The following TSNARE1 variants were observed in gnomAD, a reference collection of about 807,000 sequenced individuals.
The protein encoded by TSNARE1 is t-SNARE domain containing 1.
A neutral mutation model predicts 62.0 loss-of-function variants in TSNARE1; 49 were observed. The ratio of observed to expected loss-of-function variants is 0.79; its 90% confidence interval spans 0.63 to 1.00. The LOEUF (loss-of-function observed/expected upper bound fraction) is 1.00. Ranked by LOEUF, TSNARE1 falls within the 50% of genes least tolerant of loss-of-function variation. The pLI is 0.00. For synonymous variants in TSNARE1, 328 were observed against 294.4 expected (o/e 1.11, Z -1.17); for missense variants, 755 against 700.1 (o/e 1.08, Z -0.88).
At chr8:142,218,554 C>A (rs975157937) in intron 13 of TSNARE1, among the ~76,000 whole-genome samples, 1 of 152,214 alleles carries the variant, frequency 6.6e-6, no homozygotes, top group African/African-American at 2.4e-5. Flanking sequence ...ATAGCATGGG[C>A]CACCCCTCGA....
intron 12 of TSNARE1, among the ~76,000 whole-genome samples, chr8:142,233,592 G>A (rs1243403836): frequency 3.3e-5 from 5 of 152,172 alleles, no homozygotes; most frequent in Admixed American, 1.3e-4. Context: ...TCATTGTGTG[G>A]GCAGGGCTGG....
At chr8:142,292,053 G>A (rs1420289553) in intron 10 of TSNARE1, among the ~76,000 whole-genome samples, 2 of 151,964 alleles carry the variant, frequency 1.3e-5, no homozygotes, top group Non-Finnish European at 2.9e-5. Context: ...GCTCTGCCGG[G>A]GTCCTGGCAG....
intron 8 of TSNARE1, among the ~76,000 whole-genome samples, chr8:142,314,750 A>G (rs1828258823): frequency 6.6e-6 from 1 of 152,184 alleles, no homozygotes; most frequent in South Asian, 2.1e-4. Context: ...GCAGGGTGAG[A>G]CTTGTTCTTC....
chr8:142,290,366 G>A (rs887063169), intron 10 of TSNARE1, among the ~76,000 whole-genome samples: 1 of 152,210 alleles, frequency 6.6e-6, no homozygotes, highest in Non-Finnish European at 1.5e-5. Flanking sequence ...TTAGTAGATG[G>A]TTAAATCATG....
In TSNARE1 at chr8:142,224,879, C is replaced by T. The variant is rs369233978; in HGVS notation, c.*11+4594G>A. Among the ~76,000 whole-genome samples the T allele has an allele frequency of 2.1e-4, 32 of 152,222 alleles. No individual in the cohort carries two copies. The Middle Eastern group carries it at 0.01, about 49-fold the overall frequency. ...CAGGATGCTGATGAGGCTGAGCCCG[C>T]GGGGAGTGGGGCAGAGGGCGGGGCT... is the stretch of plus-strand genomic sequence containing the variant. On this transcript the variant is annotated intron_variant, in intron 13 of 13. Coordinates refer to ENST00000524325, the MANE Select transcript of TSNARE1 (RefSeq NM_145003.5).
At chr8:142,329,480 T>C (rs1253420551) in intron 6 of TSNARE1, among the ~76,000 whole-genome samples, 12 of 152,062 alleles carry the variant, frequency 7.9e-5, no homozygotes, top group African/African-American at 2.9e-4. Context: ...AACCCAGGAG[T>C]GGGCCAGTGG....
chr8:142,243,795 G>A (rs1295726080), intron 12 of TSNARE1, among the ~76,000 whole-genome samples: 3 of 152,210 alleles, frequency 2.0e-5, no homozygotes, highest in Non-Finnish European at 2.9e-5. Context: ...ATGGGTATGT[G>A]AATTCGCTTG....
intron 12 of TSNARE1, among the ~76,000 whole-genome samples, chr8:142,234,601 G>A (rs1817310266): frequency 6.6e-6 from 1 of 152,228 alleles, no homozygotes; most frequent in South Asian, 2.1e-4. Flanking sequence ...GTTGCCCAGA[G>A]GGCAGCCCAG....
intron 12 of TSNARE1, among the ~76,000 whole-genome samples, chr8:142,272,104 G>C (rs1384609986): frequency 1.3e-5 from 2 of 151,906 alleles, no homozygotes; most frequent in East Asian, 3.9e-4. Flanking sequence ...CCACCTGTCT[G>C]TTCATCACTG....
intron 1 of TSNARE1, among the ~76,000 whole-genome samples, chr8:142,384,810 A>C (rs1416018151): frequency 6.6e-6 from 1 of 152,234 alleles, no homozygotes; most frequent in Non-Finnish European, 1.5e-5. Context: ...AAAAGCACAG[A>C]CAAGAAAAGA....
At chr8:142,269,793 G>A (rs1301409449) in intron 12 of TSNARE1, 2 of 985,292 alleles carry the variant, frequency 2.0e-6, no homozygotes, top group South Asian at 4.7e-5. Context: ...GCAGCACCAT[G>A]CGCACCCATA....
At chr8:142,312,260 CAACT>C (rs1827723002) in intron 9 of TSNARE1, among the ~76,000 whole-genome samples, 1 of 152,146 alleles carries the variant, frequency 6.6e-6, no homozygotes, top group Non-Finnish European at 1.5e-5. Flanking sequence ...AGTGTCCAAC[CAACT>C]ATTTGAATAT....
chr8:142,359,554 G>A (rs1053290405), intron 1 of TSNARE1, among the ~76,000 whole-genome samples: 13 of 152,194 alleles, frequency 8.5e-5, no homozygotes, highest in Non-Finnish European at 1.3e-4. Flanking sequence ...CACGTCGCTG[G>A]ATGCCACACA....
intron 1 of TSNARE1, among the ~76,000 whole-genome samples, chr8:142,398,250 C>CA (rs199943056): frequency 6.9e-4 from 104 of 151,440 alleles, no homozygotes; most frequent in East Asian, 1.6e-3. Context: ...AGCGCACCCC[C>CA]AGCCCTGCCC....
intron 1 of TSNARE1, among the ~76,000 whole-genome samples, chr8:142,365,298 C>G (rs955286328): frequency 5.3e-5 from 8 of 152,198 alleles, no homozygotes; most frequent in Non-Finnish European, 1.0e-4. Context: ...CAAAGACAGG[C>G]AGACTGAGGT....
intron 9 of TSNARE1, among the ~76,000 whole-genome samples, chr8:142,307,682 T>C (rs1826914729): frequency 6.6e-6 from 1 of 152,142 alleles, no homozygotes; most frequent in African/African-American, 2.4e-5. Flanking sequence ...TCAGTCTGAG[T>C]GGTGGAATCC....
At chr8:142,351,531 C>T (rs778042650) in intron 2 of TSNARE1, among the ~76,000 whole-genome samples, 24 of 152,128 alleles carry the variant, frequency 1.6e-4, no homozygotes, top group Admixed American at 5.2e-4. Flanking sequence ...AGGCTCAGAA[C>T]GATAAAGAAA....
At chr8:142,229,883 G>A (rs1057170121) in intron 12 of TSNARE1, among the ~76,000 whole-genome samples, 1 of 152,172 alleles carries the variant, frequency 6.6e-6, no homozygotes, top group Non-Finnish European at 1.5e-5. Context: ...TTGAGCTGAG[G>A]GATCTCGGCT....
At chr8:142,349,052 G>T (rs1229098957) in intron 2 of TSNARE1, among the ~76,000 whole-genome samples, 1 of 152,136 alleles carries the variant, frequency 6.6e-6, no homozygotes, top group Non-Finnish European at 1.5e-5. Flanking sequence ...CGAAGGCCCC[G>T]CCCACACAGA....
Sources: gnomAD v4.1 joint callset for allele counts (sites outside exome capture counted in the v4.1 genomes callset) on GRCh38, gnomAD v4.1.1 for gene constraint, MANE v1.5 for transcripts, NCBI Gene and HGNC (gene_info 2026-07-23, HGNC 2026-07-21) for gene names.